Variants in E2F8 observed in about 807,000 individuals in gnomAD.
E2F8 encodes the protein E2F transcription factor 8.
Under a neutral mutation model 80.8 loss-of-function variants are expected in E2F8, and 35 were observed. The ratio of observed to expected loss-of-function variants is 0.43; its 90% CI spans 0.33 to 0.57. The LOEUF (loss-of-function observed/expected upper bound fraction) is 0.57. Among genes scored for constraint, E2F8 ranks in the 20% least tolerant of loss-of-function variants. E2F8 has a pLI of 0.04. For synonymous variants in E2F8, 386 were observed against 395.0 expected, an observed-to-expected ratio of 0.98 and a Z score of 0.27; for missense variants, 975 against 1,056.2, an observed-to-expected ratio of 0.92 and a Z score of 1.07.
rs574560486 is a variant in E2F8 at position 19,238,505 on chromosome 11, G to A, written c.16-373C>T. Among the ~76,000 whole-genome samples the A allele has an allele frequency of 3.9e-5, 6 of 152,304 alleles. No individual in the cohort carries two copies. The East Asian group carries it at 1.2e-3, about 29-fold the overall frequency. On this transcript the variant is annotated intron_variant, in intron 2 of 12. Transcript: ENST00000250024. ...GCCCTTCACTCAGCTTCCCCTAATT[G>A]GACTGACAATGTTAAATGATCAAAC...
At chr11:19,232,484 CA>C (rs1851408589) in intron 6 of E2F8, 113 bp from the exon 7 acceptor site, 1 of 817,996 alleles carries the variant, frequency 1.2e-6, no homozygotes, top group East Asian at 2.6e-5. Flanking sequence ...CAATGTCAGA[CA>C]GAGAAACATC....
At chr11:19,233,407 C>T (rs576662015) in intron 6 of E2F8, among the ~76,000 whole-genome samples, 22 of 152,320 alleles carry the variant, frequency 1.4e-4, no homozygotes, top group Non-Finnish European at 3.1e-4. Context: ...CCTCTGTAAT[C>T]AGCATCAGTG....
At chr11:19,234,118 A>G (rs55720959) in intron 6 of E2F8, among the ~76,000 whole-genome samples, 49,698 of 145,226 alleles carry the variant, frequency 0.34, 9,251 homozygotes, top group Admixed American at 0.43. Flanking sequence ...ACTGCACTCC[A>G]GCCTAGCAAA....
intron 7 of E2F8, 151 bp from the exon 8 acceptor site, chr11:19,230,985 T>C: frequency 1.5e-6 from 1 of 672,860 alleles, no homozygotes; most frequent in South Asian, 1.9e-5. Context: ...GAGAAAGCCT[T>C]GTTTATCTTA....
At chr11:19,231,256 C>T (rs772366571) in intron 7 of E2F8, among the ~76,000 whole-genome samples, 2 of 152,168 alleles carry the variant, frequency 1.3e-5, no homozygotes, top group African/African-American at 2.4e-5. Context: ...CAGACATTAA[C>T]CTACTGGCTC....
At position 19,237,835 on chromosome 11, in the gene E2F8, C is replaced by T. The variant is rs1223014697; in HGVS notation, c.294+19G>A. 6 of 1,597,822 alleles carry T rather than the reference C, an allele frequency of 3.8e-6. No individual in the cohort carries two copies. The South Asian group carries it at 6.7e-5, about 18-fold the overall frequency. On this transcript the variant is annotated intron_variant, in intron 3 of 12. Transcript: ENST00000250024. The stretch of plus-strand genomic sequence containing the variant: ...CCCAACAAATTCCCCAGCCTCCAAC[C>T]AGTCCTCTGAAAACCTACGTGTATA...
chr11:19,238,185 A>G, intron 2 of E2F8, 53 bp from the exon 3 acceptor site: 1 of 1,531,396 alleles, frequency 6.5e-7, no homozygotes, highest in Non-Finnish European at 8.8e-7. Flanking sequence ...GATTTATCAG[A>G]CAGCTTGGAT....
In E2F8 at chr11:19,225,723, T is replaced by G. The variant is rs753001076; in HGVS notation, c.2026+9A>C. 1.9e-6 allele frequency: 3 copies of G among 1,614,062 alleles called. No individual in the cohort carries two copies. Among genetic ancestry groups the G allele is most frequent in the Admixed American group, 3.3e-5 (2 of 59,994 alleles). On this transcript the variant is annotated intron_variant, in intron 11 of 12. Transcript: ENST00000250024. ...GCCCACATCTGGTTAGTGTTTTATG[T>G]GCACTCACCTGCAATTGGGGAGCTG...
At position 19,229,516 on chromosome 11, in the gene E2F8, C is replaced by G; in HGVS notation, c.1831G>C (p.Glu611Gln). Residue 611 changes from glutamate (E) to glutamine (Q), a missense_variant, in exon 10 of 13, where the codon GAG becomes CAG. By Grantham distance (29) the Glu-to-Gln change is conservative. Transcript: ENST00000250024. The surrounding 1 kb of genome is among the most constrained non-coding windows in gnomAD (Gnocchi z 4.3). ...AATTTCTTTTTGGAACCACTGTCCT[C>G]GAGCATGCTTGCCCTCTTTGAGCCT... ...ERGSKRASML[E>Q]DSGSKKKFKE... 6.2e-7 allele frequency: 1 copy of G among 1,614,260 alleles called. No individual in the cohort carries two copies. Among genetic ancestry groups the G allele is most frequent in the Non-Finnish European group, 8.5e-7 (1 of 1,180,050 alleles).
Position 19,224,196 on chromosome 11 carries a change from T to A in E2F8, c.*462A>T, listed in dbSNP as rs1851166687. On this transcript the variant is annotated 3_prime_UTR_variant, in exon 13 of 13. Coordinates refer to ENST00000250024, the MANE Select transcript of E2F8 (RefSeq NM_024680.4). Reference sequence around the variant, plus strand: ...ACACTGCAACAACAGATTAAAGAAATTACAAAAAATATAGCTATACCCCTA... The same window carrying A: ...ACACTGCAACAACAGATTAAAGAAAATACAAAAAATATAGCTATACCCCTA... 6.5e-6 allele frequency: 1 copy of A among 152,674 alleles called. No individual in the cohort carries two copies. Among genetic ancestry groups the A allele is most frequent in the African/African-American group, 2.4e-5 (1 of 41,428 alleles). The allele number at this position is 152,674 out of a possible 1,614,324, so 9.5% of individuals were successfully genotyped here.
At chr11:19,238,480 G>A (rs1328451307) in intron 2 of E2F8, among the ~76,000 whole-genome samples, 1 of 152,354 alleles carries the variant, frequency 6.6e-6, no homozygotes, top group South Asian at 2.1e-4. Context: ...GTTCCCAAAT[G>A]CCCTTCACTC....
At chr11:19,240,032 G>A in intron 2 of E2F8, 75 bp downstream of exon 2, 2 of 1,250,462 alleles carry the variant, frequency 1.6e-6, no homozygotes, top group East Asian at 2.7e-5. Flanking sequence ...CATTGGATAG[G>A]GAAAAATTAT....
chr11:19,241,189 G>A (rs1851655022), upstream of E2F8, among the ~76,000 whole-genome samples: 1 of 152,208 alleles, frequency 6.6e-6, no homozygotes, highest in Non-Finnish European at 1.5e-5. This position sits in a 1 kb window ranked among gnomAD's most constrained non-coding sequence, Gnocchi z 4.5. Context: ...TAGCTGCGCG[G>A]GGCCTGAGCG....
chr11:19,234,486 C>G lies in E2F8; in HGVS notation c.802G>C (p.Val268Leu). Residue 268 changes from valine to leucine, a missense_variant, in exon 6 of 13, where the codon GTA (valine) becomes CTA (leucine). Coordinates refer to ENST00000250024, the MANE Select transcript of E2F8 (RefSeq NM_024680.4). The stretch of plus-strand genomic sequence containing the variant: ...AGCATCACAAATTTCTGGCTCATTA[C>G]CCTTAAAGACTTGTCTTTGCGGCTG... Reference protein sequence around the residue: ...VNSRKDKSLRVMSQKFVMLFL... With the variant: ...VNSRKDKSLRLMSQKFVMLFL... 6.2e-7 allele frequency: 1 copy of G among 1,614,168 alleles called. No individual in the cohort carries two copies.
chr11:19,236,418 T>G (rs1851520538), intron 4 of E2F8, among the ~76,000 whole-genome samples: 1 of 152,272 alleles, frequency 6.6e-6, no homozygotes, highest in African/African-American at 2.4e-5. Context: ...TTACTCAGTA[T>G]CTATTGCCCC....
Position 19,225,473 on chromosome 11 carries a change from AG to A in E2F8, c.2168del (p.Pro723LeufsTer12), listed in dbSNP as rs779299120. 17 of 1,614,224 alleles carry A rather than the reference AG, an allele frequency of 1.1e-5. No homozygotes were observed. The highest frequency in any genetic ancestry group is 1.4e-5 in the Non-Finnish European group (17 of 1,180,028). ...CTGAGCTTGGGTTCTGGATGGGAAC[AG>A]GGTGGCTTGAAGCGAGAGCCGGGCT... ...GNSPALASSH[P>X]VPIQNPSSAI... On this transcript the variant is annotated frameshift_variant, in exon 12 of 13. Transcript: ENST00000250024. LOFTEE classifies it high-confidence loss of function.
chr11:19,239,569 C>A (rs2133583500), intron 2 of E2F8, among the ~76,000 whole-genome samples: 2 of 151,916 alleles, frequency 1.3e-5, no homozygotes, highest in South Asian at 4.2e-4. Flanking sequence ...AAATAAGCTG[C>A]CAATTTGGTA....
chr11:19,230,333 T>C lies in E2F8; in HGVS notation c.1271-5A>G. 1 of 1,612,412 alleles carries C rather than the reference T, an allele frequency of 6.2e-7. No individual in the cohort carries two copies. On this transcript the variant is annotated splice_region_variant and splice_polypyrimidine_tract_variant and intron_variant, in intron 8 of 12. Coordinates refer to ENST00000250024, the MANE Select transcript of E2F8 (RefSeq NM_024680.4). ...CAGAATTCTGAGAACTCTCAGCTGG[T>C]AAAATAGAAAGGAAGAGAGCACCGG...
At chr11:19,224,950 G>T (rs1260349573) in intron 12 of E2F8, 110 bp from the exon 13 acceptor site, 1 of 1,340,724 alleles carries the variant, frequency 7.5e-7, no homozygotes, top group South Asian at 1.4e-5. Context: ...TGGGAAACTG[G>T]CGTATCTTGA....
Sources: gnomAD v4.1 joint callset for allele counts (sites outside exome capture counted in the v4.1 genomes callset) on GRCh38, gnomAD v4.1.1 for gene constraint, Gnocchi (gnomAD v3.1) non-coding constraint, MANE v1.5 for transcripts, NCBI Gene and HGNC (gene_info 2026-07-23, HGNC 2026-07-21) for gene names.